The following ASAH1 variants were observed in gnomAD, a reference collection of about 807,000 sequenced individuals.
ASAH1 encodes acid ceramidase.
A neutral mutation model predicts 59.5 loss-of-function variants in ASAH1; 70 were observed. That is an observed-to-expected ratio of 1.18 (90% CI 0.97 to 1.43). ASAH1 has a LOEUF of 1.43. ASAH1 is among the 40% of genes most tolerant of loss of function. The probability of loss-of-function intolerance (pLI) is 0.00; values close to 1 mark genes in which losing one functional copy is unlikely to be tolerated. For missense variants in ASAH1, 660 were observed against 482.5 expected, an observed-to-expected ratio of 1.37 and a Z score of -3.45; for synonymous variants, 213 against 166.5, an observed-to-expected ratio of 1.28 and a Z score of -2.15.
intron 1 of ASAH1, among the ~76,000 whole-genome samples, chr8:18,078,302 G>A (rs969826077): frequency 2.0e-5 from 3 of 152,208 alleles, no homozygotes; most frequent in African/African-American, 7.2e-5. Context: ...AGGAGAGAAT[G>A]TGACCTGCCC....
intron 4 of ASAH1, chr8:18,069,401 A>C (rs907731705): frequency 5.1e-6 from 1 of 194,936 alleles, no homozygotes; most frequent in Non-Finnish European, 1.1e-5. Flanking sequence ...ACTCTACAGA[A>C]TAAGGGGCCA....
At chr8:18,084,862 T>G (rs1800832453), upstream of ASAH1, 2 of 1,599,332 alleles carry the variant, frequency 1.3e-6, no homozygotes, top group Non-Finnish European at 1.7e-6. Context: ...AGAGCTCAGC[T>G]TGGGAGGAGG....
chr8:18,075,413 C>A (rs148261069), intron 2 of ASAH1, 128 bp downstream of exon 2: 1 of 1,018,818 alleles, frequency 9.8e-7, no homozygotes, highest in Admixed American at 1.7e-5. Flanking sequence ...GAGAAACAAA[C>A]CTCTGTCTCG....
In ASAH1 at chr8:18,069,804, C is replaced by T. The variant is rs770303299; in HGVS notation, c.291G>A (p.Val97=). 6.3e-7 allele frequency: 1 copy of T among 1,579,612 alleles called. No homozygotes were observed. Among genetic ancestry groups the T allele is most frequent in the Non-Finnish European group, 8.7e-7 (1 of 1,149,842 alleles). The change falls in exon 4 of 14, where the codon GTG becomes GTA. Residue 97 remains valine, a synonymous_variant. Transcript: ENST00000637790. ...TAATATCTCTTACCAATTTTTCATC[C>T]ACCACCTGCATAATTTTTCCACTTG... The part of the protein sequence containing the change: ...FVPSGKIMQV[V]DEKLPGLLGN...
chr8:18,084,574 TATTC>T (rs1800817726), upstream of ASAH1: 1 of 1,555,664 alleles, frequency 6.4e-7, no homozygotes, highest in Admixed American at 1.9e-5. Context: ...TGAGTTGAGT[TATTC>T]ATCCCCACCG....
At chr8:18,084,878 G>T, upstream of ASAH1, 1 of 1,580,260 alleles carries the variant, frequency 6.3e-7, no homozygotes, top group Non-Finnish European at 8.6e-7. Context: ...GGAGGCGGAC[G>T]CGAGTAGCTC....
intron 1 of ASAH1, among the ~76,000 whole-genome samples, chr8:18,081,849 C>G (rs1344629254): frequency 6.6e-6 from 1 of 152,248 alleles, no homozygotes; most frequent in South Asian, 2.1e-4. Flanking sequence ...AGTCACTAAA[C>G]TTCTGTAAGG....
At chr8:18,075,375 C>G (rs1800360290) in intron 2 of ASAH1, 166 bp downstream of exon 2, 3 of 776,524 alleles carry the variant, frequency 3.9e-6, no homozygotes, top group Admixed American at 3.8e-5. Flanking sequence ...TGTCCAAGAT[C>G]TCAGCCAAAT....
chr8:18,070,199 G>C (rs1157806448), intron 3 of ASAH1, among the ~76,000 whole-genome samples: 1 of 151,768 alleles, frequency 6.6e-6, no homozygotes, highest in Non-Finnish European at 1.5e-5. Context: ...GCCCAGGCCG[G>C]AGTGCAATGG....
At chr8:18,075,071 C>T (rs866548047) in intron 2 of ASAH1, among the ~76,000 whole-genome samples, 6 of 147,960 alleles carry the variant, frequency 4.1e-5, no homozygotes, top group African/African-American at 1.5e-4. Context: ...TCTCGGCTCA[C>T]TGCAAGCTCC....
At position 18,067,317 on chromosome 8, in the gene ASAH1, A is replaced by C. The variant is rs1799972968; in HGVS notation, c.304-19T>G. On this transcript the variant is annotated intron_variant, in intron 4 of 13. Transcript: ENST00000637790. ...GGCCAGGCTGGAAAACAAATATATT[A>C]ATAAAAGCATTTAACATAATAACAA... The C allele has an allele frequency of 1.3e-6, 2 of 1,510,622 alleles. No individual in the cohort carries two copies. The highest frequency in any genetic ancestry group is 2.3e-5 in the East Asian group (1 of 43,556). 93.6% of individuals were successfully genotyped at this position (1,510,622 alleles called of 1,614,324 possible). A position where few individuals can be genotyped will look rare whatever the true frequency, so the allele number is the denominator to read the frequency against.
chr8:18,078,060 A>G (rs532470399), intron 1 of ASAH1, among the ~76,000 whole-genome samples: 8 of 152,350 alleles, frequency 5.3e-5, no homozygotes, highest in African/African-American at 1.4e-4. Flanking sequence ...CACAGAGATA[A>G]TAAAACCAAT....
chr8:18,080,483 C>T (rs1274060718), intron 1 of ASAH1, among the ~76,000 whole-genome samples: 2 of 152,168 alleles, frequency 1.3e-5, no homozygotes, highest in Non-Finnish European at 2.9e-5. Context: ...ATACCACTGA[C>T]ATCTCAATAA....
intron 2 of ASAH1, among the ~76,000 whole-genome samples, chr8:18,072,031 C>T (rs888205984): frequency 1.3e-5 from 2 of 152,206 alleles, no homozygotes; most frequent in Middle Eastern, 3.2e-3. Flanking sequence ...CTTTAACTTA[C>T]GTGCAGCAAT....
At chr8:18,064,698 C>T (rs1799860090) in intron 5 of ASAH1, 167 bp from the exon 6 acceptor site, 3 of 587,136 alleles carry the variant, frequency 5.1e-6, no homozygotes, top group Non-Finnish European at 9.0e-6. Context: ...AGCCTGGACT[C>T]TCTAGACTCA....
At chr8:18,067,414 A>T in intron 4 of ASAH1, 116 bp from the exon 5 acceptor site, 1 of 603,756 alleles carries the variant, frequency 1.7e-6, no homozygotes. Flanking sequence ...TGGACATATA[A>T]TTTTTTCTAG....
intron 1 of ASAH1, among the ~76,000 whole-genome samples, chr8:18,082,806 A>G (rs1408753492): frequency 6.6e-6 from 1 of 152,152 alleles, no homozygotes; most frequent in Non-Finnish European, 1.5e-5. Context: ...TGGTCTTTCA[A>G]TGAAGGGCCC....
At chr8:18,071,763 A>T (rs896003597) in intron 2 of ASAH1, among the ~76,000 whole-genome samples, 3 of 152,148 alleles carry the variant, frequency 2.0e-5, no homozygotes, top group African/African-American at 7.2e-5. Context: ...CAATTCTCCA[A>T]TTGGTTTCCA....
rs528393281 is a variant in ASAH1 at position 18,073,364 on chromosome 8, A to G, written c.126-1974T>C. On this transcript the variant is annotated intron_variant, in intron 2 of 13. Transcript: ENST00000637790. ...TCATCACAATTTATTTTCCTACTTCACTGCAAACAAGAAATATCATTTCAT... is the reference window on the plus strand; with the variant it reads ...TCATCACAATTTATTTTCCTACTTCGCTGCAAACAAGAAATATCATTTCAT... 52 of 1,213,454 alleles carry G rather than the reference A, an allele frequency of 4.3e-5. No homozygotes were observed. The African/African-American group carries it at 6.8e-4, about 16-fold the overall frequency. The allele number at this position is 1,213,454 out of a possible 1,614,324, so 75.2% of individuals were successfully genotyped here.
Sources: gnomAD v4.1 joint callset for allele counts (sites outside exome capture counted in the v4.1 genomes callset) on GRCh38, gnomAD v4.1.1 for gene constraint, MANE v1.5 for transcripts, NCBI Gene and HGNC (gene_info 2026-07-23, HGNC 2026-07-21) for gene names.